The following TMCO5A variants were observed in gnomAD, a reference collection of about 807,000 sequenced individuals.
TMCO5A encodes the protein transmembrane and coiled-coil domain-containing protein 5A.
Under a neutral mutation model 42.3 loss-of-function variants are expected in TMCO5A, and 34 were observed. That is an observed-to-expected ratio of 0.80 (90% CI 0.61 to 1.07). The LOEUF (loss-of-function observed/expected upper bound fraction) is 1.07. Among genes scored for constraint, TMCO5A ranks in the 50% least tolerant of loss-of-function variants. The pLI is 0.00. For synonymous variants in TMCO5A, 131 were observed against 115.6 expected (o/e 1.13, Z -0.86); for missense variants, 357 against 327.9 (o/e 1.09, Z -0.69).
intron 5 of TMCO5A, among the ~76,000 whole-genome samples, chr15:37,937,687 T>G (rs186174175): frequency 1.3e-5 from 2 of 152,260 alleles, no homozygotes; most frequent in African/African-American, 4.8e-5. Flanking sequence ...TTGAAGTCAT[T>G]GACTGGAACC....
At chr15:37,957,265 A>G (rs1697470808) in intron 11 of TMCO5A, among the ~76,000 whole-genome samples, 1 of 152,202 alleles carries the variant, frequency 6.6e-6, no homozygotes, top group Admixed American at 6.5e-5. Context: ...AGAAAGAAAT[A>G]AAAGGTATTC....
chr15:38,008,095 C>T, the TMCO5A span, among the ~76,000 whole-genome samples: 1 of 151,612 alleles, frequency 6.6e-6, no homozygotes, highest in Non-Finnish European at 1.5e-5. Flanking sequence ...TGGGGTTTCA[C>T]CATGTTAGCC....
the TMCO5A span, among the ~76,000 whole-genome samples, chr15:38,017,511 G>A: frequency 6.6e-6 from 1 of 152,078 alleles, no homozygotes. Flanking sequence ...ATTTAGATCG[G>A]TATAATGGAA....
At chr15:38,005,751 A>T in the TMCO5A span, among the ~76,000 whole-genome samples, 1 of 152,234 alleles carries the variant, frequency 6.6e-6, no homozygotes, top group African/African-American at 2.4e-5. Context: ...AGTTTTCCTG[A>T]ATCTCAGCTT....
At chr15:37,950,582 T>C (rs1890123297) in intron 11 of TMCO5A, among the ~76,000 whole-genome samples, 1 of 152,160 alleles carries the variant, frequency 6.6e-6, no homozygotes, top group South Asian at 2.1e-4. Flanking sequence ...GTTCGCATCA[T>C]TGTTCATCAG....
chr15:37,941,581 T>TTCTA, intron 7 of TMCO5A, 90 bp from the exon 8 acceptor site: 6 of 944,988 alleles, frequency 6.3e-6, no homozygotes, highest in Non-Finnish European at 1.0e-5. Context: ...AAACCACATT[T>TTCTA]AGGACCTGGG....
chr15:37,939,502 C>A (rs543124766), intron 6 of TMCO5A, among the ~76,000 whole-genome samples: 2 of 152,116 alleles, frequency 1.3e-5, no homozygotes, highest in African/African-American at 4.8e-5. Context: ...CTCTTTTTCC[C>A]AGAAAATAAG....
chr15:37,966,644 T>C (rs1458380324), exon 12 of TMCO5A: 4 of 702,854 alleles, frequency 5.7e-6, no homozygotes, highest in Non-Finnish European at 7.8e-6. Flanking sequence ...CTCCTTTTAG[T>C]GGCAAGATGG....
intron 11 of TMCO5A, among the ~76,000 whole-genome samples, 170 bp from the exon 12 acceptor site, chr15:37,950,866 T>C (rs1324897137): frequency 6.6e-6 from 1 of 151,904 alleles, no homozygotes; most frequent in Non-Finnish European, 1.5e-5. Context: ...GAATAACCAA[T>C]AGGACAGAAT....
the TMCO5A span, among the ~76,000 whole-genome samples, chr15:37,989,472 T>A: frequency 1.3e-5 from 2 of 152,072 alleles, no homozygotes; most frequent in Non-Finnish European, 2.9e-5. Context: ...TTTTGCTGCA[T>A]ACAGTAAGTT....
chr15:37,954,651 C>A (rs1430143762), downstream of TMCO5A, among the ~76,000 whole-genome samples: 1 of 151,986 alleles, frequency 6.6e-6, no homozygotes, highest in African/African-American at 2.4e-5. Context: ...CAGAAAAACA[C>A]AACATTATAA....
the TMCO5A span, among the ~76,000 whole-genome samples, chr15:37,997,147 C>T: frequency 2.0e-5 from 3 of 152,052 alleles, no homozygotes; most frequent in Non-Finnish European, 2.9e-5. Context: ...GGGAGAAAAA[C>T]GACCTGGGAG....
At chr15:37,936,487 G>A in intron 3 of TMCO5A, 24 bp downstream of exon 3, 1 of 1,596,642 alleles carries the variant, frequency 6.3e-7, no homozygotes, top group Non-Finnish European at 8.5e-7. Flanking sequence ...TTTCATGAGG[G>A]AAGTTCCCAA....
the TMCO5A span, among the ~76,000 whole-genome samples, chr15:38,036,565 T>C: frequency 6.6e-6 from 1 of 151,802 alleles, no homozygotes; most frequent in Non-Finnish European, 1.5e-5. Flanking sequence ...AACTTCTCAC[T>C]ATTCTCAAAC....
chr15:37,971,153 C>T (rs956915701), downstream of TMCO5A, among the ~76,000 whole-genome samples: 5 of 152,214 alleles, frequency 3.3e-5, no homozygotes, highest in African/African-American at 4.8e-5. Flanking sequence ...TCTGCCTGGG[C>T]ATCCAGGCAT....
At chr15:38,012,366 CA>C in the TMCO5A span, among the ~76,000 whole-genome samples, 3 of 152,130 alleles carry the variant, frequency 2.0e-5, no homozygotes, top group Non-Finnish European at 2.9e-5. Flanking sequence ...CCACTCAAAT[CA>C]AATATTATCG....
chr15:38,028,050 A>G, the TMCO5A span, among the ~76,000 whole-genome samples: 1 of 152,178 alleles, frequency 6.6e-6, no homozygotes, highest in Non-Finnish European at 1.5e-5. Flanking sequence ...GGTACTCAAT[A>G]TACATGTGTT....
chr15:37,993,633 T>C, the TMCO5A span: 1 of 152,198 alleles, frequency 6.6e-6, no homozygotes, highest in Non-Finnish European at 1.5e-5. Flanking sequence ...ACCCTTTAAA[T>C]CCTCTGAAAG....
At chr15:38,019,527 G>A in the TMCO5A span, among the ~76,000 whole-genome samples, 2 of 152,088 alleles carry the variant, frequency 1.3e-5, no homozygotes, top group African/African-American at 4.8e-5. Context: ...GTACAGAGAA[G>A]TCACATATTC....
Sources: allele counts gnomAD v4.1 joint callset (sites outside exome capture counted in the v4.1 genomes callset), GRCh38; gene constraint gnomAD v4.1.1; transcripts MANE v1.5; gene names NCBI Gene and HGNC (gene_info 2026-07-23, HGNC 2026-07-21).